The following WDR4 variants were observed in gnomAD, a reference collection of about 807,000 sequenced individuals.
WDR4 encodes the protein WDR4 tRNA N7-guanosine methyltransferase non-catalytic subunit.
In WDR4, 47 loss-of-function variants were observed where a neutral mutation model predicts 48.6. That is an observed-to-expected ratio of 0.97 (90% confidence interval 0.77 to 1.23). The LOEUF is 1.23. WDR4 is among the 50% of genes most tolerant of loss of function. WDR4 has a pLI of 0.00. For missense variants in WDR4, 606 were observed against 551.6 expected, an observed-to-expected ratio of 1.10 and a Z score of -0.99; for synonymous variants, 268 against 230.0, an observed-to-expected ratio of 1.17 and a Z score of -1.49.
At chr21:42,890,830 TA>T in the WDR4 span, among the ~76,000 whole-genome samples, 9 of 152,336 alleles carry the variant, frequency 5.9e-5, no homozygotes, top group South Asian at 1.9e-3. Flanking sequence ...CTGCTTTTTT[TA>T]TTTTAATGCA....
At chr21:42,844,014 A>C (rs1275082800) in intron 11 of WDR4, among the ~76,000 whole-genome samples, 3 of 152,172 alleles carry the variant, frequency 2.0e-5, no homozygotes, top group African/African-American at 7.2e-5. Flanking sequence ...TAAATACCAA[A>C]ACCAAATTTA....
Position 42,873,639 on chromosome 21 carries a change from A to G in WDR4, c.208T>C (p.Ser70Pro). The G allele has an allele frequency of 6.2e-7, 1 of 1,614,178 alleles. No individual in the cohort carries two copies. The highest frequency in any genetic ancestry group is 8.5e-7 in the Non-Finnish European group (1 of 1,180,026). The change falls in exon 3 of 11, where the codon TCC (serine) becomes CCC (proline). Residue 70 changes from serine to proline, a missense_variant. By Grantham distance (74) the Ser-to-Pro change is moderately conservative. Coordinates refer to ENST00000398208, the MANE Select transcript of WDR4 (RefSeq NM_018669.6). The stretch of plus-strand genomic sequence containing the variant: ...AAAGCAAAATAGCTGCCAGACTTGG[A>G]GAAGGTGGACGCCAGAATCGCACCG... ...GSGAILASTF[S>P]KSGSYFALTD...
chr21:42,888,950 C>T, the WDR4 span, among the ~76,000 whole-genome samples: 1 of 150,046 alleles, frequency 6.7e-6, no homozygotes, highest in East Asian at 2.0e-4. Context: ...GTGATCTGCC[C>T]GCCTTGGCCT....
rs750244195 is a variant in WDR4, at chr21:42,850,007, C to T, written c.*42G>A. ...GGATGCAGGGGAACAAGTTAAAAAG[C>T]TTTTCCTAATTTGAGGTGAGAGACA... On this transcript the variant is annotated 3_prime_UTR_variant, in exon 11 of 11. Transcript: ENST00000398208. 1.2e-6 allele frequency: 2 copies of T among 1,602,558 alleles called. No individual in the cohort carries two copies. Among genetic ancestry groups the T allele is most frequent in the African/African-American group, 1.4e-5 (1 of 73,778 alleles).
At chr21:42,859,543 G>C (rs1349243720) in intron 6 of WDR4, 119 bp downstream of exon 6, 5 of 664,524 alleles carry the variant, frequency 7.5e-6, no homozygotes, top group Non-Finnish European at 9.5e-6. Context: ...AGATCTAGTG[G>C]ACAGCCACAG....
At chr21:42,880,542 C>T (rs1374549453), upstream of WDR4, among the ~76,000 whole-genome samples, 1 of 152,202 alleles carries the variant, frequency 6.6e-6, no homozygotes, top group Admixed American at 6.5e-5. Context: ...ACACAGTAAT[C>T]ACTGGTCCAA....
In WDR4 at chr21:42,879,421, G is replaced by A. The variant is rs571534892; in HGVS notation, c.75C>T (p.Thr25=). ...GGCCCCCTCACCTGCTTGCTATGGA[G>A]GTGGCCAGGAATCGGCTGCCGCCCC... ...VVRGGSRFLA[T]SIASSDDDSL... Residue 25 remains threonine, a synonymous_variant, in exon 1 of 11, where the codon ACC becomes ACT. Coordinates refer to ENST00000398208, the MANE Select transcript of WDR4 (RefSeq NM_018669.6). The A allele has an allele frequency of 1.1e-5, 17 of 1,613,856 alleles. No homozygotes were observed. The South Asian group carries it at 1.6e-4, about 16-fold the overall frequency.
At chr21:42,873,325 C>T (rs2058413784) in intron 3 of WDR4, among the ~76,000 whole-genome samples, 1 of 152,224 alleles carries the variant, frequency 6.6e-6, no homozygotes, top group African/African-American at 2.4e-5. Flanking sequence ...AACTGTTCAC[C>T]ACCCAGCGTG....
chr21:42,843,920 G>A (rs556592869), intron 11 of WDR4, among the ~76,000 whole-genome samples: 1 of 152,180 alleles, frequency 6.6e-6, no homozygotes, highest in East Asian at 1.9e-4. Flanking sequence ...CAAACTCCTG[G>A]GCTCAAGCAA....
In WDR4 at chr21:42,855,773, G is replaced by A; in HGVS notation, c.635C>T (p.Thr212Ile). The A allele has an allele frequency of 6.4e-7, 1 of 1,551,150 alleles. No homozygotes were observed. Among genetic ancestry groups the A allele is most frequent in the Non-Finnish European group, 8.7e-7 (1 of 1,146,718 alleles). ...GCTCCTGTACTCCCAGAGCCTCAGG[G>A]TGCCGTCCTGCACAAACCAAACACA... ...GLLLSSSGDG[T>I]LRLWEYRSGR... is the part of the protein sequence containing the mutation. Residue 212 changes from threonine (T) to isoleucine (I), a missense_variant, in exon 7 of 11, where the codon ACC (threonine) becomes ATC (isoleucine). Transcript: ENST00000398208.
At chr21:42,857,767 G>A (rs2058028688) in intron 6 of WDR4, among the ~76,000 whole-genome samples, 1 of 151,288 alleles carries the variant, frequency 6.6e-6, no homozygotes, top group Admixed American at 6.6e-5. Flanking sequence ...TATTCCTAAA[G>A]GAGTAGAAAT....
In WDR4 at chr21:42,862,542, C is replaced by A; in HGVS notation, c.454-148G>T. On this transcript the variant is annotated intron_variant, in intron 4 of 10. Coordinates refer to ENST00000398208, the MANE Select transcript of WDR4 (RefSeq NM_018669.6). This position sits in a 1 kb window ranked among gnomAD's most constrained non-coding sequence, Gnocchi z 4.3. ...AGACCAGCGTGGCTCCTCCCCTCCTCCCGTCCCTACGTCTAATTGGTGGCC... is the reference window on the plus strand; with the variant it reads ...AGACCAGCGTGGCTCCTCCCCTCCTACCGTCCCTACGTCTAATTGGTGGCC... The A allele has an allele frequency of 3.0e-6, 2 of 673,200 alleles. No individual in the cohort carries two copies. The highest frequency in any genetic ancestry group is 2.5e-6 in the Non-Finnish European group (1 of 394,670). The allele number at this position is 673,200 out of a possible 1,614,324, so 41.7% of individuals were successfully genotyped here.
chr21:42,864,289 G>A (rs1011364524), intron 3 of WDR4, among the ~76,000 whole-genome samples: 73 of 151,686 alleles, frequency 4.8e-4, no homozygotes, highest in Non-Finnish European at 9.1e-4. Context: ...GGAGACAACG[G>A]CCCTCTCCAT....
In WDR4 at chr21:42,862,572, T is replaced by C. The variant is rs2058144206; in HGVS notation, c.454-178A>G. On this transcript the variant is annotated intron_variant, in intron 4 of 10. Transcript: ENST00000398208. This position sits in a 1 kb window ranked among gnomAD's most constrained non-coding sequence, Gnocchi z 4.3. ...CCCTACGTCTAATTGGTGGCCCTCA[T>C]TCTCCCTCCCCAGAGGGTCCCTGGC... Among the ~76,000 whole-genome samples, 1 of 152,150 alleles carries C rather than the reference T, an allele frequency of 6.6e-6. No individual in the cohort carries two copies. Among genetic ancestry groups the C allele is most frequent in the South Asian group, 2.1e-4 (1 of 4,832 alleles).
downstream of WDR4, among the ~76,000 whole-genome samples, chr21:42,844,385 G>T (rs1036151718): frequency 1.2e-4 from 19 of 152,194 alleles, no homozygotes; most frequent in African/African-American, 3.6e-4. Flanking sequence ...ATACATACAT[G>T]ATGACTATCA....
At chr21:42,849,131 C>CCTCT (rs2057751705), downstream of WDR4, 1 of 124,272 alleles carries the variant, frequency 8.0e-6, no homozygotes, top group African/African-American at 3.4e-5. Context: ...GCGGCGCGCA[C>CCTCT]CTCACACAGC....
downstream of WDR4, among the ~76,000 whole-genome samples, chr21:42,846,486 G>T (rs1295730609): frequency 6.6e-6 from 1 of 152,204 alleles, no homozygotes; most frequent in Admixed American, 6.5e-5. Context: ...GCATTCAGTT[G>T]CTGAAATCCC....
chr21:42,854,886 T>A (rs956267467), intron 7 of WDR4, among the ~76,000 whole-genome samples: 1 of 151,658 alleles, frequency 6.6e-6, no homozygotes, highest in Non-Finnish European at 1.5e-5. Context: ...ACAAGATAGG[T>A]CAGACAGTGA....
downstream of WDR4, among the ~76,000 whole-genome samples, chr21:42,844,435 G>C (rs542388711): frequency 7.2e-5 from 11 of 152,324 alleles, no homozygotes; most frequent in African/African-American, 2.6e-4. Flanking sequence ...CACGAAGAAT[G>C]ATTCAACAGG....
Sources: allele counts gnomAD v4.1 joint callset (sites outside exome capture counted in the v4.1 genomes callset), GRCh38; gene constraint gnomAD v4.1.1; non-coding constraint Gnocchi (gnomAD v3.1); transcripts MANE v1.5; gene names NCBI Gene and HGNC (gene_info 2026-07-23, HGNC 2026-07-21).